ATP8B1: variants seen among roughly 807,000 people sequenced by gnomAD.
The protein encoded by ATP8B1 is phospholipid-transporting ATPase IC.
ATP8B1 carries 80 observed loss-of-function variants against 149.9 expected under a neutral mutation model. The ratio of observed to expected loss-of-function variants is 0.53; its 90% CI spans 0.45 to 0.64. The LOEUF is 0.64. Among genes scored for constraint, ATP8B1 ranks in the 30% least tolerant of loss-of-function variants. The pLI, the probability that ATP8B1 is intolerant of heterozygous loss-of-function variation, is 0.00. For synonymous variants in ATP8B1, 536 were observed against 562.8 expected, an observed-to-expected ratio of 0.95 and a Z score of 0.67; for missense variants, 1,247 against 1,552.6, an observed-to-expected ratio of 0.80 and a Z score of 3.31.
At chr18:57,708,157 C>CAAAAAAAA in intron 2 of ATP8B1, among the ~76,000 whole-genome samples, 1 of 67,062 alleles carries the variant, frequency 1.5e-5, no homozygotes, top group Non-Finnish European at 2.8e-5. Flanking sequence ...AACTCTGTCT[C>CAAAAAAAA]AAAAAAAAAA....
At position 57,767,554 on chromosome 18, in the gene ATP8B1, G is replaced by A. The variant is rs547013460; in HGVS notation, c.-26+35444C>T. On this transcript the variant is annotated intron_variant, in intron 1 of 27. Coordinates refer to ENST00000648908, the MANE Select transcript of ATP8B1 (RefSeq NM_001374385.1). The stretch of plus-strand genomic sequence containing the variant: ...TGTAATGCCAGCACTTGGGGAGGGC[G>A]AGGTGGGTGGATCACCTAAGGTCAG... 7.2e-5 allele frequency among the ~76,000 whole-genome samples: 11 copies of A among 152,248 alleles called. No individual in the cohort carries two copies. The South Asian group carries it at 8.3e-4, about 11-fold the overall frequency.
intron 8 of ATP8B1, among the ~76,000 whole-genome samples, 185 bp downstream of exon 8, chr18:57,697,433 T>TACTACC (rs1912872571): frequency 3.3e-5 from 5 of 150,440 alleles, no homozygotes; most frequent in African/African-American, 1.2e-4. Flanking sequence ...CCCTGAGAGG[T>TACTACC]GGAGAAACGC....
In ATP8B1 at chr18:57,704,646, T is replaced by C; in HGVS notation, c.302A>G (p.Lys101Arg). ...TGGTATAAAGGTAAATGCGTTGTAC[T>C]TGTATGTTTTAATTGCATTATTCTG... ...KYANNAIKTYKYNAFTFIPMN... is the reference protein window; with the variant it reads ...KYANNAIKTYRYNAFTFIPMN... Residue 101 changes from lysine (K) to arginine (R), a missense_variant, in exon 4 of 28, where the codon AAG (lysine) becomes AGG (arginine). Lys to Arg is a conservative substitution (Grantham distance 26). This residue lies in a region of ATP8B1 where 853 missense variants were observed against 1,035.7 expected (regional missense o/e 0.82). Coordinates refer to ENST00000648908, the MANE Select transcript of ATP8B1 (RefSeq NM_001374385.1). The C allele has an allele frequency of 2.5e-6, 4 of 1,606,818 alleles. No individual in the cohort carries two copies. The East Asian group carries it at 6.7e-5, about 27-fold the overall frequency.
rs1222147907 is a variant in ATP8B1 at position 57,713,240 on chromosome 18, C to CTTCT, written c.182-6657_182-6654dup. Among the ~76,000 whole-genome samples the CTTCT allele has an allele frequency of 1.2e-3, 77 of 65,130 alleles. 1 individual carries two copies. The highest frequency in any genetic ancestry group is 3.3e-3 in the South Asian group (7 of 2,152). The allele number at this position is 65,130 out of a possible 152,430, so 42.7% of individuals were successfully genotyped here. The stretch of plus-strand genomic sequence containing the variant: ...CCTTCCTTCCTTCCTTCCTTCCTTC[C>CTTCT]TTCTTTCTTTCTTTCTTTCTTTCTC... On this transcript the variant is annotated intron_variant, in intron 2 of 27. Coordinates refer to ENST00000648908, the MANE Select transcript of ATP8B1 (RefSeq NM_001374385.1).
chr18:57,724,650 G>T (rs1317446902), intron 2 of ATP8B1, among the ~76,000 whole-genome samples: 1 of 147,816 alleles, frequency 6.8e-6, no homozygotes, highest in Non-Finnish European at 1.5e-5. Context: ...TACACTGTTG[G>T]TGGGACTGTA....
At chr18:57,717,577 A>G (rs2079595549) in intron 2 of ATP8B1, among the ~76,000 whole-genome samples, 1 of 143,690 alleles carries the variant, frequency 7.0e-6, no homozygotes, top group Non-Finnish European at 1.5e-5. Flanking sequence ...AAAAAAAAAA[A>G]AAAAAAAAAA....
intron 15 of ATP8B1, among the ~76,000 whole-genome samples, chr18:57,675,558 T>TTTTCTG (rs1190109699): frequency 6.6e-6 from 1 of 152,114 alleles, no homozygotes; most frequent in Non-Finnish European, 1.5e-5. Context: ...GTGTAAAGAT[T>TTTTCTG]TTTCTGTTTC....
chr18:57,688,194 G>T, intron 13 of ATP8B1, 105 bp downstream of exon 13: 1 of 1,281,122 alleles, frequency 7.8e-7, no homozygotes, highest in Non-Finnish European at 1.1e-6. Flanking sequence ...ACTCTGCATC[G>T]AGAGGGCACC....
At chr18:57,691,666 C>A in intron 12 of ATP8B1, 141 bp downstream of exon 12, 1 of 1,119,656 alleles carries the variant, frequency 8.9e-7, no homozygotes, top group Non-Finnish European at 1.2e-6. Context: ...CCTCTCTTAC[C>A]CTCAATTCTG....
At chr18:57,788,106 T>G (rs987487603) in intron 1 of ATP8B1, among the ~76,000 whole-genome samples, 13 of 152,184 alleles carry the variant, frequency 8.5e-5, no homozygotes, top group Non-Finnish European at 1.3e-4. Flanking sequence ...ACACATATAT[T>G]TTATTGTCAT....
At chr18:57,730,882 T>A (rs1330035551) in intron 2 of ATP8B1, among the ~76,000 whole-genome samples, 1 of 152,018 alleles carries the variant, frequency 6.6e-6, no homozygotes, top group Non-Finnish European at 1.5e-5. Flanking sequence ...TTTATATAAC[T>A]CATACCGCCA....
intron 22 of ATP8B1, among the ~76,000 whole-genome samples, chr18:57,659,060 G>A (rs750702134): frequency 8.5e-5 from 13 of 152,092 alleles, no homozygotes; most frequent in African/African-American, 3.1e-4. Context: ...CAGACTGATT[G>A]AGCCCAGGAG....
chr18:57,732,757 T>G (rs1414966452), intron 1 of ATP8B1, among the ~76,000 whole-genome samples: 2 of 151,948 alleles, frequency 1.3e-5, no homozygotes, highest in African/African-American at 4.8e-5. Flanking sequence ...GAGACGGGGT[T>G]TCACTGTGTT....
chr18:57,702,462 G>T (rs907733104), intron 4 of ATP8B1, among the ~76,000 whole-genome samples: 1 of 152,184 alleles, frequency 6.6e-6, no homozygotes, highest in Non-Finnish European at 1.5e-5. Flanking sequence ...GTCATGCCAG[G>T]CCTGACCTTC....
intron 12 of ATP8B1, 34 bp from the exon 13 acceptor site, chr18:57,688,541 C>T: frequency 6.2e-7 from 1 of 1,605,354 alleles, no homozygotes. Context: ...CCGTAGAGAG[C>T]TCGGATACGA....
At chr18:57,659,480 A>G (rs562230649) in intron 22 of ATP8B1, among the ~76,000 whole-genome samples, 1 of 152,260 alleles carries the variant, frequency 6.6e-6, no homozygotes, top group Admixed American at 6.5e-5. Context: ...CCCTCCCATT[A>G]TCTAGAAGGC....
rs769680543 is a variant in ATP8B1 at position 57,697,792 on chromosome 18, T to C, written c.627+3A>G. The C allele has an allele frequency of 1.2e-6, 2 of 1,613,928 alleles. No homozygotes were observed. Among genetic ancestry groups the C allele is most frequent in the East Asian group, 4.5e-5 (2 of 44,866 alleles). On this transcript the variant is annotated splice_donor_region_variant and intron_variant, in intron 7 of 27. Coordinates refer to ENST00000648908, the MANE Select transcript of ATP8B1 (RefSeq NM_001374385.1). ...ACAAGAGAAGCAGAATTTGTTCACT[T>C]ACTGGAACAAAATCATTTTTTTTCA... is the stretch of plus-strand genomic sequence containing the variant.
intron 1 of ATP8B1, among the ~76,000 whole-genome samples, chr18:57,768,077 C>CTT (rs2080229665): frequency 6.6e-6 from 1 of 152,122 alleles, no homozygotes; most frequent in Admixed American, 6.5e-5. Context: ...CTAGATATCA[C>CTT]TTTTATAATG....
chr18:57,685,213 T>C, intron 13 of ATP8B1, 98 bp from the exon 14 acceptor site: 1 of 1,317,056 alleles, frequency 7.6e-7, no homozygotes, highest in Non-Finnish European at 1.1e-6. Context: ...GGTAAGACCA[T>C]ATACGGCCTG....
Sources: allele counts gnomAD v4.1 joint callset (sites outside exome capture counted in the v4.1 genomes callset), GRCh38; gene constraint gnomAD v4.1.1; regional missense constraint gnomAD v4.1.1; transcripts MANE v1.5; gene names NCBI Gene and HGNC (gene_info 2026-07-23, HGNC 2026-07-21).